TECRL: variants seen among roughly 807,000 people sequenced by gnomAD.
TECRL encodes trans-2,3-enoyl-CoA reductase-like.
In TECRL, 63 loss-of-function variants were observed where a neutral mutation model predicts 52.8. That is an observed-to-expected ratio of 1.19 (90% CI 0.97 to 1.47). TECRL has a LOEUF of 1.47. Ranked by LOEUF, TECRL falls within the 40% of genes most tolerant of loss-of-function variation. The pLI, the probability that TECRL is intolerant of heterozygous loss-of-function variation, is 0.00. For missense variants in TECRL, 482 were observed against 429.6 expected, an observed-to-expected ratio of 1.12 and a Z score of -1.08; for synonymous variants, 164 against 141.9, an observed-to-expected ratio of 1.16 and a Z score of -1.10.
intron 5 of TECRL, among the ~76,000 whole-genome samples, chr4:64,312,956 G>A (rs1255507835): frequency 6.6e-6 from 1 of 152,044 alleles, no homozygotes; most frequent in Non-Finnish European, 1.5e-5. Context: ...TTTCACTTAC[G>A]AAAATGTGAA....
intron 9 of TECRL, among the ~76,000 whole-genome samples, chr4:64,285,377 C>A (rs556521447): frequency 6.6e-6 from 1 of 152,154 alleles, no homozygotes; most frequent in East Asian, 1.9e-4. Flanking sequence ...TCATTCCTTG[C>A]CTCTTTTCCA....
At chr4:64,346,260 G>T (rs1051968245) in intron 2 of TECRL, among the ~76,000 whole-genome samples, 2 of 152,136 alleles carry the variant, frequency 1.3e-5, no homozygotes, top group African/African-American at 4.8e-5. Context: ...TACCATTCTG[G>T]GATCTGGAGG....
chr4:64,334,114 G>A (rs1718874196), intron 2 of TECRL, among the ~76,000 whole-genome samples: 1 of 148,706 alleles, frequency 6.7e-6, no homozygotes, highest in Non-Finnish European at 1.5e-5. Context: ...TATTAGAATT[G>A]TTATACTCCT....
intron 5 of TECRL, among the ~76,000 whole-genome samples, chr4:64,312,599 A>C (rs1158146458): frequency 1.3e-5 from 2 of 151,922 alleles, no homozygotes; most frequent in African/African-American, 4.8e-5. Flanking sequence ...TCATCTCTAA[A>C]ATTTTTTTTT....
At chr4:64,287,834 A>G (rs1040736311) in intron 9 of TECRL, among the ~76,000 whole-genome samples, 7 of 152,042 alleles carry the variant, frequency 4.6e-5, no homozygotes, top group African/African-American at 1.7e-4. Flanking sequence ...AATTGGAGCA[A>G]TTTTCTTAAT....
chr4:64,288,529 C>T (rs1156829448), intron 9 of TECRL, among the ~76,000 whole-genome samples: 1 of 152,104 alleles, frequency 6.6e-6, no homozygotes, highest in African/African-American at 2.4e-5. Context: ...GTTGTCTTTT[C>T]TTATTCTATG....
chr4:64,317,271 T>A (rs1214745200), intron 4 of TECRL, among the ~76,000 whole-genome samples: 1 of 151,576 alleles, frequency 6.6e-6, no homozygotes, highest in Admixed American at 6.6e-5. Context: ...AGAGCGAGAC[T>A]CCGTCTCCAA....
chr4:64,365,146 C>T (rs1009095938), intron 2 of TECRL, among the ~76,000 whole-genome samples: 4 of 151,640 alleles, frequency 2.6e-5, no homozygotes, highest in African/African-American at 9.7e-5. Context: ...AAAACCAAAA[C>T]TCACATGATC....
At chr4:64,406,990 T>C (rs969855308) in intron 1 of TECRL, among the ~76,000 whole-genome samples, 1 of 137,036 alleles carries the variant, frequency 7.3e-6, no homozygotes, top group African/African-American at 2.7e-5. Context: ...GTTTACAAAT[T>C]CAAAATGTTA....
intron 1 of TECRL, among the ~76,000 whole-genome samples, chr4:64,405,047 T>TA (rs1724613741): frequency 6.6e-6 from 1 of 152,072 alleles, no homozygotes; most frequent in South Asian, 2.1e-4. Flanking sequence ...GCTTATATAC[T>TA]AAGGGTAGGC....
At position 64,405,846 on chromosome 4, in the gene TECRL, A is replaced by G. The variant is rs370507871; in HGVS notation, c.234+3272T>C. 3.0e-4 allele frequency among the ~76,000 whole-genome samples: 45 copies of G among 152,268 alleles called. No individual in the cohort carries two copies. The South Asian group carries it at 9.1e-3, about 31-fold the overall frequency. On this transcript the variant is annotated intron_variant, in intron 1 of 11. Transcript: ENST00000381210. ...TGTATATTCTCCTGGAACTCAAATA[A>G]CAAATGCTAGTTAAGGAGGAGGCGA...
intron 9 of TECRL, among the ~76,000 whole-genome samples, chr4:64,283,263 C>T (rs1335015799): frequency 6.6e-6 from 1 of 152,016 alleles, no homozygotes; most frequent in Non-Finnish European, 1.5e-5. Flanking sequence ...AAAACTACTC[C>T]TTAACAATCC....
At chr4:64,406,789 T>C (rs529580441) in intron 1 of TECRL, among the ~76,000 whole-genome samples, 14 of 152,108 alleles carry the variant, frequency 9.2e-5, no homozygotes, top group African/African-American at 2.9e-4. Context: ...GGTATGTAAA[T>C]TGTACCACTT....
rs765002177 is a variant in TECRL at position 64,305,156 on chromosome 4, C to T, written c.730+10G>A. On this transcript the variant is annotated intron_variant, in intron 7 of 11. Transcript: ENST00000381210. ...TAGTATACGGTTAGTTAAGAAGAAACCCTACATACATGGTGGTGTATATAG... is the reference window on the plus strand; with the variant it reads ...TAGTATACGGTTAGTTAAGAAGAAATCCTACATACATGGTGGTGTATATAG... The T allele has an allele frequency of 2.5e-6, 4 of 1,601,452 alleles. No individual in the cohort carries two copies. Among genetic ancestry groups the T allele is most frequent in the African/African-American group, 2.7e-5 (2 of 74,508 alleles).
chr4:64,351,649 GACTTGACCATT>G (rs568845107), intron 2 of TECRL, among the ~76,000 whole-genome samples: 1 of 152,120 alleles, frequency 6.6e-6, no homozygotes, highest in Non-Finnish European at 1.5e-5. Context: ...TAAATACCCT[GACTTGACCATT>G]ACAAATTCTA....
At chr4:64,388,802 C>T (rs1483436309) in intron 1 of TECRL, among the ~76,000 whole-genome samples, 5 of 151,490 alleles carry the variant, frequency 3.3e-5, no homozygotes, top group Admixed American at 2.6e-4. Flanking sequence ...TACATAAATA[C>T]AAATAAATAA....
At chr4:64,289,568 C>T (rs1362175081) in intron 9 of TECRL, 142 bp downstream of exon 9, 2 of 652,628 alleles carry the variant, frequency 3.1e-6, no homozygotes, top group Non-Finnish European at 5.0e-6. Flanking sequence ...TTTGGAAAAA[C>T]TAGACATAAA....
chr4:64,317,777 G>A (rs1025381897), intron 4 of TECRL, among the ~76,000 whole-genome samples: 2 of 152,088 alleles, frequency 1.3e-5, no homozygotes, highest in African/African-American at 4.8e-5. Flanking sequence ...TTTTTAAAAA[G>A]CCTTTTTCAG....
chr4:64,327,328 T>G (rs1718332785), intron 3 of TECRL, among the ~76,000 whole-genome samples: 1 of 152,146 alleles, frequency 6.6e-6, no homozygotes, highest in Admixed American at 6.6e-5. Flanking sequence ...ATATGTCATA[T>G]TCACCAGAAC....
Sources: allele counts gnomAD v4.1 joint callset (sites outside exome capture counted in the v4.1 genomes callset), GRCh38; gene constraint gnomAD v4.1.1; transcripts MANE v1.5; gene names NCBI Gene and HGNC (gene_info 2026-07-23, HGNC 2026-07-21).